Variants in MYO1B observed in about 807,000 individuals in gnomAD.
MYO1B encodes the protein myosin IB.
A neutral mutation model predicts 159.7 loss-of-function variants in MYO1B; 72 were observed. That is an observed-to-expected ratio of 0.45 (90% CI 0.37 to 0.55). The LOEUF is 0.55. MYO1B is among the 20% of genes least tolerant of loss of function. The probability of loss-of-function intolerance (pLI) is 0.00; values close to 1 mark genes in which losing one functional copy is unlikely to be tolerated. For synonymous variants in MYO1B, 468 were observed against 473.8 expected, an observed-to-expected ratio of 0.99 and a Z score of 0.16; for missense variants, 1,062 against 1,364.8, an observed-to-expected ratio of 0.78 and a Z score of 3.50.
rs78654761 is a variant in MYO1B, at chr2:191,351,188, T to TA, written c.562+978dup. Reference sequence around the variant, plus strand: ...GAATGAAAAAATTTATGTTTAGACCTAAAAAAAAAAAAAAAGAAAGTTGAC... The same window carrying TA: ...GAATGAAAAAATTTATGTTTAGACCTAAAAAAAAAAAAAAAAGAAAGTTGAC... On this transcript the variant is annotated intron_variant, in intron 7 of 30. Transcript: ENST00000392318. Among the ~76,000 whole-genome samples, 258 of 139,522 alleles carry TA rather than the reference T, an allele frequency of 1.8e-3. 2 individuals are homozygous for TA. The highest frequency in any genetic ancestry group is 0.016 in the East Asian group (76 of 4,844). 91.5% of individuals were successfully genotyped at this position (139,522 alleles called of 152,430 possible).
intron 1 of MYO1B, among the ~76,000 whole-genome samples, chr2:191,269,037 T>A (rs915750410): frequency 1.3e-5 from 2 of 152,250 alleles, no homozygotes; most frequent in Admixed American, 1.3e-4. Context: ...CATTTTAACC[T>A]TTTTTAAGTG....
chr2:191,390,394 G>T lies in MYO1B; in HGVS notation c.1884G>T (p.Arg628=), dbSNP rs1183548204. ...GGCTTTTGGAGAACGTCCGAGTGCG[G>T]AGGGCAGGCTACGCCTTCAGGCAGG... ...YLGLLENVRV[R]RAGYAFRQAY... The change falls in exon 18 of 31, where the codon CGG becomes CGT. Residue 628 remains arginine (R), a synonymous_variant. Coordinates refer to ENST00000392318, the MANE Select transcript of MYO1B (RefSeq NM_001130158.3). 1 of 1,614,270 alleles carries T rather than the reference G, an allele frequency of 6.2e-7. No individual in the cohort carries two copies. Among genetic ancestry groups the T allele is most frequent in the Admixed American group, 1.7e-5 (1 of 60,032 alleles).
chr2:191,270,467 T>C (rs754900274), intron 1 of MYO1B, among the ~76,000 whole-genome samples: 33 of 152,206 alleles, frequency 2.2e-4, no homozygotes, highest in Admixed American at 1.4e-3. Flanking sequence ...GGTACCACGA[T>C]GTTCACTGTG....
intron 2 of MYO1B, among the ~76,000 whole-genome samples, chr2:191,277,905 T>C (rs759887902): frequency 6.6e-6 from 1 of 152,192 alleles, no homozygotes; most frequent in Non-Finnish European, 1.5e-5. Flanking sequence ...TTGGGCATGC[T>C]TAATATTTTT....
At chr2:191,390,618 C>G (rs1380899290) in intron 18 of MYO1B, 126 bp downstream of exon 18, 1 of 1,112,674 alleles carries the variant, frequency 9.0e-7, no homozygotes, top group Admixed American at 2.8e-5. Flanking sequence ...CTGTTTTGGA[C>G]CTTCTTCCAT....
At chr2:191,251,492 G>C (rs1369950337) in intron 1 of MYO1B, among the ~76,000 whole-genome samples, 3 of 152,214 alleles carry the variant, frequency 2.0e-5, no homozygotes, top group Admixed American at 1.3e-4. Context: ...CAAGGGGCCT[G>C]TCTTTCCTTG....
intron 13 of MYO1B, among the ~76,000 whole-genome samples, chr2:191,377,044 T>C (rs897266685): frequency 1.3e-5 from 2 of 152,172 alleles, no homozygotes; most frequent in African/African-American, 4.8e-5. Context: ...TGTTGTTGTT[T>C]GTTTGTTTTG....
chr2:191,315,157 G>GTCCATCCATCCATCCA (rs5837229), intron 3 of MYO1B, among the ~76,000 whole-genome samples: 1 of 149,956 alleles, frequency 6.7e-6, no homozygotes, highest in Non-Finnish European at 1.5e-5. Flanking sequence ...CCGTCCGTCC[G>GTCCATCCATCCATCCA]TCCATCCATC....
chr2:191,354,133 G>C (rs1473601791), intron 7 of MYO1B, among the ~76,000 whole-genome samples: 1 of 152,048 alleles, frequency 6.6e-6, no homozygotes, highest in East Asian at 1.9e-4. Flanking sequence ...GCACACACCT[G>C]TAATCCCAGC....
chr2:191,367,928 G>A lies in MYO1B; in HGVS notation c.1033-1614G>A, dbSNP rs541931234. Among the ~76,000 whole-genome samples the A allele has an allele frequency of 7.9e-5, 12 of 152,282 alleles. 1 individual carries two copies. Among genetic ancestry groups the A allele is most frequent in the Admixed American group, 3.9e-4 (6 of 15,302 alleles). On this transcript the variant is annotated intron_variant, in intron 11 of 30. Coordinates refer to ENST00000392318, the MANE Select transcript of MYO1B (RefSeq NM_001130158.3). ...AGCAAAAACTAGAAGAAAGGGTATTGGGGAAAGATGCATCTAAATTATATT... is the reference window on the plus strand; with the variant it reads ...AGCAAAAACTAGAAGAAAGGGTATTAGGGAAAGATGCATCTAAATTATATT...
chr2:191,283,905 CCTG>C (rs1218668283), intron 2 of MYO1B, among the ~76,000 whole-genome samples: 1 of 152,210 alleles, frequency 6.6e-6, no homozygotes, highest in African/African-American at 2.4e-5. Context: ...AATCAGTATT[CCTG>C]CCATGTGTTG....
intron 8 of MYO1B, among the ~76,000 whole-genome samples, chr2:191,361,559 C>T (rs1258521260): frequency 4.0e-5 from 6 of 150,918 alleles, no homozygotes; most frequent in Non-Finnish European, 7.4e-5. Flanking sequence ...ATTAAAACAG[C>T]CCTGAAGTAT....
At chr2:191,357,980 T>C (rs1328517365) in intron 7 of MYO1B, among the ~76,000 whole-genome samples, 1 of 152,210 alleles carries the variant, frequency 6.6e-6, no homozygotes, top group East Asian at 1.9e-4. Context: ...AGAGTAAGCA[T>C]TTTAAGTGGT....
chr2:191,375,017 C>T (rs1388557889), intron 13 of MYO1B, among the ~76,000 whole-genome samples: 1 of 152,196 alleles, frequency 6.6e-6, no homozygotes, highest in East Asian at 1.9e-4. Flanking sequence ...AGATATTTTA[C>T]TGGGAAAATC....
In MYO1B at chr2:191,385,999, AG is replaced by A. The variant is rs1287564032; in HGVS notation, c.1470del (p.Ser491AlafsTer3). 6.2e-7 allele frequency: 1 copy of A among 1,614,004 alleles called. No homozygotes were observed. Among genetic ancestry groups the A allele is most frequent in the Non-Finnish European group, 8.5e-7 (1 of 1,180,006 alleles). Reference protein sequence around the residue: ...NQVCATHQHFESRMSKCSRFL... With the variant: ...NQVCATHQHFXSRMSKCSRFL... Reference sequence around the variant, plus strand: ...GTATGTGCCACCCACCAGCATTTTGAGAGCAGGATGAGCAAGTGCTCTCGGT... The same window carrying A: ...GTATGTGCCACCCACCAGCATTTTGAAGCAGGATGAGCAAGTGCTCTCGGT... On this transcript the variant is annotated frameshift_variant, in exon 16 of 31. Transcript: ENST00000392318. LOFTEE classifies it high-confidence loss of function.
intron 2 of MYO1B, among the ~76,000 whole-genome samples, chr2:191,279,016 A>G (rs2125750347): frequency 6.6e-6 from 1 of 152,376 alleles, no homozygotes; most frequent in Admixed American, 6.5e-5. Context: ...ACTAAAAATA[A>G]AACAATCACC....
chr2:191,344,817 G>T (rs6745844), intron 5 of MYO1B, among the ~76,000 whole-genome samples: 3,075 of 112,220 alleles, frequency 0.027, 118 homozygotes, highest in African/African-American at 0.1. Flanking sequence ...GCGACAGAGC[G>T]AGACTCCGTC....
rs147371469 is a variant in MYO1B, at chr2:191,283,030, A to C, written c.135+6000A>C. Among the ~76,000 whole-genome samples the C allele has an allele frequency of 1.7e-3, 264 of 152,368 alleles. 6 individuals carry two copies. The East Asian group carries it at 0.039, about 22-fold the overall frequency. On this transcript the variant is annotated intron_variant, in intron 2 of 30. Transcript: ENST00000392318. ...TTAGAAGCCTAGATAAAGCTGTTGA[A>C]AAACAGCAAATCATGAGGGTGAAGG... is the stretch of plus-strand genomic sequence containing the variant.
At chr2:191,405,935 C>G (rs1460920028) in intron 24 of MYO1B, among the ~76,000 whole-genome samples, 2 of 152,206 alleles carry the variant, frequency 1.3e-5, no homozygotes, top group Non-Finnish European at 2.9e-5. Flanking sequence ...CCTTTGAAGC[C>G]AGACATTAGC....
Sources: gnomAD v4.1 joint callset for allele counts (sites outside exome capture counted in the v4.1 genomes callset) on GRCh38, gnomAD v4.1.1 for gene constraint, MANE v1.5 for transcripts, NCBI Gene and HGNC (gene_info 2026-07-23, HGNC 2026-07-21) for gene names.